The following SEMA5A variants were observed in gnomAD, a reference collection of about 807,000 sequenced individuals.
The protein encoded by SEMA5A is semaphorin 5A, also known as semaphorin-5A.
A neutral mutation model predicts 135.5 loss-of-function variants in SEMA5A; 55 were observed. The ratio of observed to expected loss-of-function variants is 0.41; its 90% CI spans 0.33 to 0.51. The LOEUF (loss-of-function observed/expected upper bound fraction) is 0.51, where lower values mean the gene tolerates loss of function less well. Among genes scored for constraint, SEMA5A ranks in the 20% least tolerant of loss-of-function variants. The probability of loss-of-function intolerance (pLI) is 0.37; values close to 1 mark genes in which losing one functional copy is unlikely to be tolerated. For missense variants in SEMA5A, 1,290 were observed against 1,419.9 expected (o/e 0.91, Z 1.47); for synonymous variants, 580 against 546.5 (o/e 1.06, Z -0.85).
chr5:9,378,160 G>A (rs986087298), intron 3 of SEMA5A, among the ~76,000 whole-genome samples: 6 of 151,842 alleles, frequency 4.0e-5, no homozygotes, highest in African/African-American at 1.5e-4. Context: ...GATGACAAAT[G>A]AATGACCTGT....
intron 21 of SEMA5A, chr5:9,045,691 G>T (rs1473939538): frequency 6.6e-6 from 1 of 152,162 alleles, no homozygotes; most frequent in Non-Finnish European, 1.5e-5. Context: ...AGAAATAAGG[G>T]ATTTGTGTTA....
At position 9,194,318 on chromosome 5, in the gene SEMA5A, G is replaced by A. The variant is rs188274870; in HGVS notation, c.1068+2850C>T. Among the ~76,000 whole-genome samples, 488 of 152,298 alleles carry A rather than the reference G, an allele frequency of 3.2e-3. 3 individuals carry two copies. The highest frequency in any genetic ancestry group is 0.011 in the African/African-American group (474 of 41,568). On this transcript the variant is annotated intron_variant, in intron 10 of 22. Coordinates refer to ENST00000382496, the MANE Select transcript of SEMA5A (RefSeq NM_003966.3). ...TCTATATTAAATGTTGAAATATCATGCACCATCTCTCCTAACCCATTCTTC... is the reference window on the plus strand; with the variant it reads ...TCTATATTAAATGTTGAAATATCATACACCATCTCTCCTAACCCATTCTTC...
At chr5:9,334,685 CT>C (rs907946950) in intron 4 of SEMA5A, among the ~76,000 whole-genome samples, 5 of 151,668 alleles carry the variant, frequency 3.3e-5, no homozygotes, top group African/African-American at 4.8e-5. Context: ...GGGCCAGCCT[CT>C]TTTTTTTTCT....
chr5:9,521,303 G>A (rs1968370), intron 1 of SEMA5A, among the ~76,000 whole-genome samples: 120,459 of 151,888 alleles, frequency 0.79, 47,867 homozygotes, highest in Middle Eastern at 0.89. Context: ...CCAGCTGCTC[G>A]GGAGGCTGAG....
chr5:9,164,728 G>A (rs1304657707), intron 11 of SEMA5A, among the ~76,000 whole-genome samples: 1 of 152,152 alleles, frequency 6.6e-6, no homozygotes, highest in African/African-American at 2.4e-5. Flanking sequence ...GGGAAATTCA[G>A]AGAGAACTAA....
intron 8 of SEMA5A, among the ~76,000 whole-genome samples, chr5:9,208,780 CAA>C (rs1292907595): frequency 6.6e-6 from 1 of 151,966 alleles, no homozygotes; most frequent in Non-Finnish European, 1.5e-5. Context: ...GGAGAGACAC[CAA>C]AGAGTTTTAA....
intron 1 of SEMA5A, among the ~76,000 whole-genome samples, chr5:9,451,998 C>T (rs1217898517): frequency 2.0e-5 from 3 of 152,362 alleles, no homozygotes; most frequent in East Asian, 1.9e-4. Flanking sequence ...GTTAGCCCTA[C>T]ACTTAATCTG....
intron 1 of SEMA5A, among the ~76,000 whole-genome samples, chr5:9,470,098 G>T (rs1759421701): frequency 2.0e-5 from 3 of 152,156 alleles, no homozygotes; most frequent in Admixed American, 2.0e-4. Flanking sequence ...GCATGTTAGG[G>T]GGGGTTCCAC....
At chr5:9,048,611 C>T (rs1736397909) in intron 21 of SEMA5A, among the ~76,000 whole-genome samples, 1 of 152,102 alleles carries the variant, frequency 6.6e-6, no homozygotes, top group South Asian at 2.1e-4. Context: ...AGAGTAAAGG[C>T]CCCACATACC....
At chr5:9,270,471 G>T (rs987606060) in intron 5 of SEMA5A, among the ~76,000 whole-genome samples, 5 of 152,054 alleles carry the variant, frequency 3.3e-5, no homozygotes, top group African/African-American at 1.2e-4. Context: ...AGAGATAGAT[G>T]ACCCAAAACT....
In SEMA5A at chr5:9,163,338, A is replaced by G. The variant is rs1357552116; in HGVS notation, c.1274-8643T>C. Among the ~76,000 whole-genome samples the G allele has an allele frequency of 5.9e-5, 9 of 152,228 alleles. 1 individual carries two copies. The highest frequency in any genetic ancestry group is 5.9e-4 in the Admixed American group (9 of 15,282). ...TTGACAATAAAAATAAGCCCCTTAA[A>G]TCACTATTTGCTATATATAATGTAG... On this transcript the variant is annotated intron_variant, in intron 11 of 22. Transcript: ENST00000382496.
At chr5:9,463,130 G>A (rs1013555946) in intron 1 of SEMA5A, among the ~76,000 whole-genome samples, 2 of 152,152 alleles carry the variant, frequency 1.3e-5, no homozygotes, top group Admixed American at 1.3e-4. Flanking sequence ...CATCTTGTGG[G>A]AAACCATCTT....
intron 14 of SEMA5A, among the ~76,000 whole-genome samples, chr5:9,119,945 AT>A (rs57184560): frequency 2.0e-5 from 3 of 151,872 alleles, no homozygotes; most frequent in African/African-American, 4.8e-5. Flanking sequence ...AATTTAAAAA[AT>A]TTTTTTAATT....
intron 6 of SEMA5A, among the ~76,000 whole-genome samples, chr5:9,234,098 TAAGAA>T (rs1303342045): frequency 6.6e-5 from 10 of 152,308 alleles, no homozygotes; most frequent in African/African-American, 1.2e-4. Flanking sequence ...TCATGACCAC[TAAGAA>T]AAGTCTTCAT....
intron 3 of SEMA5A, among the ~76,000 whole-genome samples, chr5:9,367,680 C>T (rs545685968): frequency 6.6e-6 from 1 of 152,238 alleles, no homozygotes; most frequent in African/African-American, 2.4e-5. Flanking sequence ...GTGAGGAAAA[C>T]TTTACTGATA....
chr5:9,527,998 G>A (rs1483350082), intron 1 of SEMA5A, among the ~76,000 whole-genome samples: 1 of 152,112 alleles, frequency 6.6e-6, no homozygotes, highest in Non-Finnish European at 1.5e-5. Flanking sequence ...CACCTATTTT[G>A]TAATTTGTAA....
At chr5:9,258,805 T>C (rs113651012) in intron 5 of SEMA5A, among the ~76,000 whole-genome samples, 521 of 107,524 alleles carry the variant, frequency 4.8e-3, no homozygotes, top group Middle Eastern at 0.025. Flanking sequence ...CTTTCTTTCT[T>C]TTTTTTTTTT....
At chr5:9,155,137 A>G (rs2150263812) in intron 11 of SEMA5A, among the ~76,000 whole-genome samples, 1 of 152,302 alleles carries the variant, frequency 6.6e-6, no homozygotes, top group South Asian at 2.1e-4. Flanking sequence ...TCAAATATCC[A>G]GTACGACTGT....
intron 13 of SEMA5A, among the ~76,000 whole-genome samples, chr5:9,126,099 A>G (rs1239563838): frequency 6.6e-6 from 1 of 152,172 alleles, no homozygotes; most frequent in East Asian, 1.9e-4. Flanking sequence ...GAATATTTGC[A>G]TCATAGTTAC....
Sources: allele counts gnomAD v4.1 joint callset (sites outside exome capture counted in the v4.1 genomes callset), GRCh38; gene constraint gnomAD v4.1.1; transcripts MANE v1.5; gene names NCBI Gene and HGNC (gene_info 2026-07-23, HGNC 2026-07-21).